ZZZ3: variants seen among roughly 807,000 people sequenced by gnomAD.
ZZZ3 encodes zinc finger ZZ-type containing 3, also known as ZZ-type zinc finger-containing protein 3.
Under a neutral mutation model 95.2 loss-of-function variants are expected in ZZZ3, and 22 were observed. The ratio of observed to expected loss-of-function variants is 0.23; its 90% CI spans 0.17 to 0.33. The LOEUF is 0.33. Ranked by LOEUF, ZZZ3 falls within the 10% of genes least tolerant of loss-of-function variation. The pLI is 1.00. For synonymous variants in ZZZ3, 335 were observed against 358.9 expected, an observed-to-expected ratio of 0.93 and a Z score of 0.75; for missense variants, 885 against 1,066.5, an observed-to-expected ratio of 0.83 and a Z score of 2.37.
At position 77,579,660 on chromosome 1, in the gene ZZZ3, A is replaced by C. The variant is rs752361005; in HGVS notation, c.1981-32T>G. 20 of 1,230,236 alleles carry C rather than the reference A, an allele frequency of 1.6e-5. No homozygotes were observed. In the South Asian group the frequency reaches 2.7e-4, roughly 16 times the overall value. 76.2% of individuals were successfully genotyped at this position (1,230,236 alleles called of 1,614,324 possible). On this transcript the variant is annotated intron_variant, in intron 9 of 14. Transcript: ENST00000370801. ...CATACCCAAGACCAAATTTAAGAAAATATGTATTTAATTTTAAATATTGGA... is the reference window on the plus strand; with the variant it reads ...CATACCCAAGACCAAATTTAAGAAACTATGTATTTAATTTTAAATATTGGA...
chr1:77,572,260 T>TAAA (rs1661461373), intron 12 of ZZZ3, among the ~76,000 whole-genome samples: 1 of 152,254 alleles, frequency 6.6e-6, no homozygotes, highest in Non-Finnish European at 1.5e-5. Flanking sequence ...TAATCCACTC[T>TAAA]ATTATATTTT....
intron 12 of ZZZ3, among the ~76,000 whole-genome samples, chr1:77,572,884 G>A (rs780339125): frequency 6.6e-6 from 1 of 151,334 alleles, no homozygotes; most frequent in Non-Finnish European, 1.5e-5. Flanking sequence ...AGGCTCAAGC[G>A]ATCCTCCTGC....
intron 1 of ZZZ3, among the ~76,000 whole-genome samples, chr1:77,660,208 T>A (rs777424973): frequency 1.3e-5 from 2 of 151,324 alleles, no homozygotes; most frequent in Admixed American, 6.6e-5. Context: ...CTCCCCAATA[T>A]TTTTTTTTAT....
At chr1:77,658,178 C>CAAAAA (rs1186224710) in intron 1 of ZZZ3, among the ~76,000 whole-genome samples, 27 of 76,204 alleles carry the variant, frequency 3.5e-4, no homozygotes, top group South Asian at 5.2e-4. Context: ...GACTTTGTCT[C>CAAAAA]AAAAAAAAAA....
chr1:77,622,370 C>CA (rs200681261), intron 5 of ZZZ3, among the ~76,000 whole-genome samples: 7,696 of 55,322 alleles, frequency 0.14, 276 homozygotes, highest in Middle Eastern at 0.18. Context: ...TGAAAAATAG[C>CA]AAAAAAAAAA....
chr1:77,642,065 A>G (rs1410357164), intron 1 of ZZZ3, among the ~76,000 whole-genome samples: 1 of 152,222 alleles, frequency 6.6e-6, no homozygotes, highest in Non-Finnish European at 1.5e-5. Flanking sequence ...GAAGTAAAAA[A>G]AAGATAATGA....
chr1:77,680,688 C>T (rs1163228697), intron 1 of ZZZ3, among the ~76,000 whole-genome samples: 1 of 152,148 alleles, frequency 6.6e-6, no homozygotes, highest in Non-Finnish European at 1.5e-5. Context: ...TACCACTCTC[C>T]AATTGAGATC....
intron 1 of ZZZ3, among the ~76,000 whole-genome samples, chr1:77,667,401 T>A (rs1026281966): frequency 1.3e-5 from 2 of 152,206 alleles, no homozygotes; most frequent in African/African-American, 4.8e-5. Context: ...CCTTGCAGTA[T>A]GAAAACCCTT....
intron 6 of ZZZ3, among the ~76,000 whole-genome samples, chr1:77,583,908 G>A (rs1037873230): frequency 1.1e-4 from 16 of 151,808 alleles, no homozygotes; most frequent in East Asian, 1.9e-4. Flanking sequence ...AACCTGTATC[G>A]CTTTTAAGTG....
chr1:77,582,977 C>G (rs960907234), intron 6 of ZZZ3, among the ~76,000 whole-genome samples: 1 of 151,896 alleles, frequency 6.6e-6, no homozygotes, highest in Non-Finnish European at 1.5e-5. Flanking sequence ...TAGTACAGTG[C>G]ATTTGCAGTC....
intron 1 of ZZZ3, among the ~76,000 whole-genome samples, chr1:77,665,029 T>C (rs1210509246): frequency 6.6e-6 from 1 of 152,218 alleles, no homozygotes; most frequent in Non-Finnish European, 1.5e-5. Context: ...AGTTCCTTAA[T>C]GTCTTTAAAT....
In ZZZ3 at chr1:77,659,062, T is replaced by C. The variant is rs770971727; in HGVS notation, c.-402-17407A>G. ...GGAGAAACCCCGTCTCTACTAAAAA[T>C]ACAAAATTAGCCGGGCGTAGTGGCA... On this transcript the variant is annotated intron_variant, in intron 1 of 14. Transcript: ENST00000370801. Among the ~76,000 whole-genome samples the C allele has an allele frequency of 3.3e-5, 5 of 151,926 alleles. 1 individual carries two copies. Among genetic ancestry groups the C allele is most frequent in the African/African-American group, 4.8e-5 (2 of 41,342 alleles).
At chr1:77,570,735 C>T (rs1473708094) in intron 12 of ZZZ3, among the ~76,000 whole-genome samples, 2 of 150,896 alleles carry the variant, frequency 1.3e-5, no homozygotes, top group African/African-American at 2.4e-5. Flanking sequence ...TGGTGGGGCT[C>T]TCTGCAGACT....
chr1:77,647,960 T>C (rs899514955), intron 1 of ZZZ3, among the ~76,000 whole-genome samples: 1 of 152,132 alleles, frequency 6.6e-6, no homozygotes, highest in Non-Finnish European at 1.5e-5. Context: ...CCATTTCCAG[T>C]GAACTCCACT....
intron 1 of ZZZ3, among the ~76,000 whole-genome samples, chr1:77,651,485 A>G: frequency 6.6e-6 from 1 of 152,222 alleles, no homozygotes; most frequent in East Asian, 1.9e-4. Flanking sequence ...CATAACCAAC[A>G]AGGACAAATG....
chr1:77,643,434 T>C (rs925423167), intron 1 of ZZZ3, among the ~76,000 whole-genome samples: 1 of 152,226 alleles, frequency 6.6e-6, no homozygotes, highest in East Asian at 1.9e-4. Flanking sequence ...AGTTACTTAC[T>C]TCTAGAAGTT....
Position 77,573,071 on chromosome 1 carries a change from T to A in ZZZ3, c.2331+2997A>T, listed in dbSNP as rs184190363. Reference sequence around the variant, plus strand: ...ACTGAAACTCTCAATCTAAATTAAGTACCTCTTAAATAATTATGTTAGCAT... The same window carrying A: ...ACTGAAACTCTCAATCTAAATTAAGAACCTCTTAAATAATTATGTTAGCAT... On this transcript the variant is annotated intron_variant, in intron 12 of 14. Coordinates refer to ENST00000370801, the MANE Select transcript of ZZZ3 (RefSeq NM_015534.6). Among the ~76,000 whole-genome samples, 212 of 152,270 alleles carry A rather than the reference T, an allele frequency of 1.4e-3. 1 individual carries two copies. The highest frequency in any genetic ancestry group is 5.0e-3 in the African/African-American group (207 of 41,546).
chr1:77,643,384 A>G (rs1203373363), intron 1 of ZZZ3, among the ~76,000 whole-genome samples: 1 of 152,232 alleles, frequency 6.6e-6, no homozygotes, highest in African/African-American at 2.4e-5. Flanking sequence ...TTGAATTATG[A>G]CAATACACAG....
intron 4 of ZZZ3, among the ~76,000 whole-genome samples, chr1:77,637,322 G>A (rs1373614916): frequency 6.6e-6 from 1 of 152,168 alleles, no homozygotes; most frequent in African/African-American, 2.4e-5. Context: ...CATGTGATGT[G>A]CACTTGAGGT....
Sources: gnomAD v4.1 joint callset for allele counts (sites outside exome capture counted in the v4.1 genomes callset) on GRCh38, gnomAD v4.1.1 for gene constraint, MANE v1.5 for transcripts, NCBI Gene and HGNC (gene_info 2026-07-23, HGNC 2026-07-21) for gene names.